Variants in IMMP2L observed in about 807,000 individuals in gnomAD.
IMMP2L encodes the protein mitochondrial inner membrane protease subunit 2.
A neutral mutation model predicts 19.3 loss-of-function variants in IMMP2L; 18 were observed. That is an observed-to-expected ratio of 0.93 (90% CI 0.64 to 1.38). The LOEUF (loss-of-function observed/expected upper bound fraction) is 1.38. Among genes scored for constraint, IMMP2L ranks in the 40% most tolerant of loss-of-function variants. The pLI is 0.00. For missense variants in IMMP2L, 233 were observed against 218.2 expected (o/e 1.07, Z -0.43); for synonymous variants, 76 against 73.0 (o/e 1.04, Z -0.21).
chr7:110,934,269 A>G (rs1203018181), intron 4 of IMMP2L, among the ~76,000 whole-genome samples: 1 of 152,120 alleles, frequency 6.6e-6, no homozygotes, highest in African/African-American at 2.4e-5. Flanking sequence ...TCATGTTGTC[A>G]ATTTTAGAAT....
intron 3 of IMMP2L, among the ~76,000 whole-genome samples, chr7:110,966,617 A>G (rs1819576631): frequency 6.6e-6 from 1 of 152,172 alleles, no homozygotes; most frequent in African/African-American, 2.4e-5. Context: ...AGCTATCTAT[A>G]TAATTAAAGT....
chr7:110,849,907 C>T (rs934799389), intron 5 of IMMP2L, among the ~76,000 whole-genome samples: 1 of 151,724 alleles, frequency 6.6e-6, no homozygotes, highest in African/African-American at 2.4e-5. Flanking sequence ...TTAGATTATG[C>T]CATATAAGTG....
At chr7:110,872,572 C>T (rs773020056) in intron 5 of IMMP2L, among the ~76,000 whole-genome samples, 1 of 152,146 alleles carries the variant, frequency 6.6e-6, no homozygotes, top group Non-Finnish European at 1.5e-5. Context: ...TATAACGCTG[C>T]CCCTAGGCCA....
At chr7:110,713,387 A>G (rs1232439887) in intron 5 of IMMP2L, among the ~76,000 whole-genome samples, 2 of 152,148 alleles carry the variant, frequency 1.3e-5, no homozygotes, top group African/African-American at 4.8e-5. Flanking sequence ...TGTTTTGGCT[A>G]TTCGGGCTCT....
Position 110,899,158 on chromosome 7 carries a change from T to C in IMMP2L, c.306-12463A>G, listed in dbSNP as rs79011097. ...GATACAGTATCTTTTGAATGACCTT[T>C]GCATTTGGCTTTTTAACCCTTCTTT... On this transcript the variant is annotated intron_variant, in intron 4 of 5. Transcript: ENST00000405709. Among the ~76,000 whole-genome samples, 3 of 152,330 alleles carry C rather than the reference T, an allele frequency of 2.0e-5. No homozygotes were observed. In the East Asian group the frequency reaches 5.8e-4, roughly 29 times the overall value.
chr7:110,878,875 GT>G (rs142631293), intron 5 of IMMP2L, among the ~76,000 whole-genome samples: 328 of 152,140 alleles, frequency 2.2e-3, no homozygotes, highest in Non-Finnish European at 4.1e-3. Context: ...ATCTTTGCTG[GT>G]TTTAGCCATA....
At chr7:111,524,848 A>G (rs1013270193) in intron 1 of IMMP2L, among the ~76,000 whole-genome samples, 2 of 152,098 alleles carry the variant, frequency 1.3e-5, no homozygotes, top group Non-Finnish European at 2.9e-5. Context: ...TCAGAAAATG[A>G]CTTCCAGTGG....
intron 3 of IMMP2L, among the ~76,000 whole-genome samples, chr7:111,293,287 C>T (rs989815044): frequency 2.0e-5 from 3 of 152,050 alleles, no homozygotes; most frequent in Admixed American, 1.3e-4. Context: ...TAATCCTTTT[C>T]ACTTTTTGTG....
chr7:110,975,169 T>C (rs939497992), intron 3 of IMMP2L, among the ~76,000 whole-genome samples: 1 of 152,022 alleles, frequency 6.6e-6, no homozygotes, highest in Non-Finnish European at 1.5e-5. Flanking sequence ...ATAACATGAG[T>C]TTAAAAAATA....
intron 4 of IMMP2L, among the ~76,000 whole-genome samples, chr7:110,932,439 C>T (rs1023310025): frequency 7.2e-5 from 11 of 152,038 alleles, no homozygotes; most frequent in Admixed American, 6.6e-5. Flanking sequence ...CTGCAAGCTC[C>T]GCCTTTTGGG....
intron 3 of IMMP2L, among the ~76,000 whole-genome samples, chr7:111,183,625 C>T (rs913096381): frequency 1.3e-5 from 2 of 152,054 alleles, no homozygotes; most frequent in African/African-American, 4.8e-5. Context: ...CTCAGACTTA[C>T]AGTCAGAAGT....
chr7:111,076,241 C>T (rs1289910185), intron 3 of IMMP2L, among the ~76,000 whole-genome samples: 1 of 152,156 alleles, frequency 6.6e-6, no homozygotes, highest in Admixed American at 6.5e-5. Context: ...GGCTAAACTC[C>T]AGCCCTACTG....
chr7:111,520,366 C>A (rs547173355), intron 2 of IMMP2L, among the ~76,000 whole-genome samples: 2 of 152,116 alleles, frequency 1.3e-5, no homozygotes, highest in East Asian at 3.9e-4. Context: ...AAAAATGTAG[C>A]TTTTCCCAAA....
At chr7:111,055,499 AC>A (rs1241075061) in intron 3 of IMMP2L, among the ~76,000 whole-genome samples, 2 of 152,008 alleles carry the variant, frequency 1.3e-5, no homozygotes, top group East Asian at 3.9e-4. Context: ...TCTCTTCCTA[AC>A]CCGTTTGCAA....
chr7:111,105,623 T>C (rs1798462294), intron 3 of IMMP2L, among the ~76,000 whole-genome samples: 1 of 151,904 alleles, frequency 6.6e-6, no homozygotes, highest in Non-Finnish European at 1.5e-5. Context: ...ATACAACATG[T>C]ATTTTTGTTG....
chr7:111,038,535 G>A (rs1051581515), intron 3 of IMMP2L, among the ~76,000 whole-genome samples: 2 of 152,178 alleles, frequency 1.3e-5, no homozygotes, highest in South Asian at 2.1e-4. Flanking sequence ...TGCACTGAGC[G>A]GTCACAATAA....
intron 3 of IMMP2L, among the ~76,000 whole-genome samples, chr7:111,277,566 TAAAA>T (rs34068307): frequency 7.3e-6 from 1 of 136,462 alleles, no homozygotes. Context: ...TTGTCTCATT[TAAAA>T]AAAAAAAAAA....
intron 5 of IMMP2L, among the ~76,000 whole-genome samples, chr7:110,719,043 T>C (rs1010168938): frequency 6.6e-6 from 1 of 152,078 alleles, no homozygotes; most frequent in African/African-American, 2.4e-5. Context: ...ACACACAACT[T>C]AGGAAAACTC....
chr7:111,482,983 A>C (rs924906615), intron 3 of IMMP2L, among the ~76,000 whole-genome samples: 17 of 152,150 alleles, frequency 1.1e-4, no homozygotes, highest in African/African-American at 4.1e-4. Context: ...AAAATATGGG[A>C]TCTTGAGTAG....
Sources: allele counts gnomAD v4.1 joint callset (sites outside exome capture counted in the v4.1 genomes callset), GRCh38; gene constraint gnomAD v4.1.1; transcripts MANE v1.5; gene names NCBI Gene and HGNC (gene_info 2026-07-23, HGNC 2026-07-21).